FAT4: variants seen among roughly 807,000 people sequenced by gnomAD.
FAT4 encodes the protein FAT atypical cadherin 4.
Under a neutral mutation model 303.9 loss-of-function variants are expected in FAT4, and 84 were observed. The observed-to-expected ratio is 0.28, with a 90% CI of 0.23 to 0.33. FAT4 has a LOEUF of 0.33. Ranked by LOEUF, FAT4 falls within the 10% of genes least tolerant of loss-of-function variation. The pLI is 1.00. For missense variants in FAT4, 6,005 were observed against 6,146.8 expected, an observed-to-expected ratio of 0.98 and a Z score of 0.77; for synonymous variants, 2,307 against 2,298.8, an observed-to-expected ratio of 1.00 and a Z score of -0.10.
intron 7 of FAT4, among the ~76,000 whole-genome samples, chr4:125,422,574 C>T (rs1392308708): frequency 2.0e-5 from 3 of 152,186 alleles, no homozygotes; most frequent in Non-Finnish European, 4.4e-5. Context: ...GCTTCCCCCT[C>T]CGCTGTGATT....
chr4:125,477,998 T>A (rs1026799814), intron 14 of FAT4, among the ~76,000 whole-genome samples: 1 of 152,174 alleles, frequency 6.6e-6, no homozygotes, highest in Admixed American at 6.5e-5. Flanking sequence ...ATGTTTTGAC[T>A]GCTTAGTATC....
At chr4:125,438,685 T>C (rs74501747) in intron 8 of FAT4, among the ~76,000 whole-genome samples, 4,766 of 152,262 alleles carry the variant, frequency 0.031, 99 homozygotes, top group Non-Finnish European at 0.044. Flanking sequence ...AAATAGAAAA[T>C]ATTTTCACAG....
rs1727640929 is a variant in FAT4 at position 125,491,500 on chromosome 4, A to T, written c.14684A>T (p.Tyr4895Phe). 2 of 1,614,050 alleles carry T rather than the reference A, an allele frequency of 1.2e-6. No individual in the cohort carries two copies. The highest frequency in any genetic ancestry group is 1.7e-6 in the Non-Finnish European group (2 of 1,180,026). ...GGAGCCAGACTGAAGCCTCGAAGGT[A>T]CCACGGTCGCAGGGCCGAGGGAGGA... ...NYGARLKPRR[Y>F]HGRRAEGGPV... Residue 4895 changes from tyrosine to phenylalanine, a missense_variant, in exon 18 of 18, where the codon TAC becomes TTC. Physicochemically the swap from Tyr to Phe is conservative, Grantham distance 22. Transcript: ENST00000394329.
At chr4:125,356,549 G>GTTTTTTTTTTTTT (rs57855830) in intron 2 of FAT4, among the ~76,000 whole-genome samples, 4 of 131,440 alleles carry the variant, frequency 3.0e-5, no homozygotes, top group Non-Finnish European at 4.9e-5. Flanking sequence ...TTTGTTTTTT[G>GTTTTTTTTTTTTT]TTTTTTTTTT....
At chr4:125,458,521 C>T (rs554707164) in intron 10 of FAT4, among the ~76,000 whole-genome samples, 1 of 151,856 alleles carries the variant, frequency 6.6e-6, no homozygotes, top group Admixed American at 6.6e-5. Context: ...AGAAGAGTGG[C>T]TCATGTAAGA....
chr4:125,451,689 T>C lies in FAT4; in HGVS notation c.10679T>C (p.Phe3560Ser). ...LLSTGPATSY[F>S]SLSTAGVLST... ...AGCACAGGTCCTGCCACCAGTTATT[T>C]CAGTCTGAGCACTGCTGGAGTTCTG... Residue 3560 changes from phenylalanine to serine, a missense_variant, in exon 10 of 18, where the codon TTC becomes TCC. Transcript: ENST00000394329. The C allele has an allele frequency of 6.2e-7, 1 of 1,614,150 alleles. No homozygotes were observed. The highest frequency in any genetic ancestry group is 8.5e-7 in the Non-Finnish European group (1 of 1,180,022).
At position 125,452,498 on chromosome 4, in the gene FAT4, A is replaced by G. The variant is rs17009684; in HGVS notation, c.11488A>G (p.Lys3830Glu). The part of the protein sequence containing the change: ...LRRLAVSSVL[K>E]SRESLPVIIV... ...AAGATTGGCTGTGAGCTCCGTATTA[A>G]AAAGCCGTGAGAGTCTTCCAGTCAT... Residue 3830 changes from lysine to glutamate, a missense_variant, in exon 10 of 18, where the codon AAA becomes GAA. By Grantham distance (56) the Lys-to-Glu change is moderately conservative (BLOSUM62 1). Coordinates refer to ENST00000394329, the MANE Select transcript of FAT4 (RefSeq NM_001291303.3). 4.0e-3 allele frequency: 6,393 copies of G among 1,614,036 alleles called. 234 individuals are homozygous for G. The African/African-American group carries it at 0.077, about 19-fold the overall frequency.
At chr4:125,414,657 A>C (rs1036393890) in intron 5 of FAT4, among the ~76,000 whole-genome samples, 1 of 152,154 alleles carries the variant, frequency 6.6e-6, no homozygotes, top group Non-Finnish European at 1.5e-5. Flanking sequence ...ATATAGAAAA[A>C]TATCTGCTCT....
chr4:125,347,801 G>A (rs548564006), intron 2 of FAT4, among the ~76,000 whole-genome samples: 2 of 151,764 alleles, frequency 1.3e-5, no homozygotes, highest in African/African-American at 2.4e-5. Context: ...AGACTTTATA[G>A]TAGGACCTCT....
intron 12 of FAT4, among the ~76,000 whole-genome samples, chr4:125,473,793 T>C (rs1726940172): frequency 1.1e-4 from 1 of 9,494 alleles, no homozygotes. Flanking sequence ...AGGATGCAGT[T>C]TCATTTGTAT....
At chr4:125,336,202 A>G (rs990287153) in intron 2 of FAT4, among the ~76,000 whole-genome samples, 1 of 152,218 alleles carries the variant, frequency 6.6e-6, no homozygotes, top group East Asian at 1.9e-4. Context: ...TGTATCAGGT[A>G]GAAAAATAAT....
Position 125,318,068 on chromosome 4 carries a change from A to T in FAT4, c.1657A>T (p.Ser553Cys). Residue 553 changes from serine (S) to cysteine (C), a missense_variant, in exon 2 of 18, where the codon AGT becomes TGT. Transcript: ENST00000394329. Reference protein sequence around the residue: ...ELASQIVLNISARDQGVHPKV... With the variant: ...ELASQIVLNICARDQGVHPKV... ...TGCTTCCCAGATTGTTCTGAATATA[A>T]GTGCCCGGGACCAGGGAGTTCACCC... 3.1e-6 allele frequency: 5 copies of T among 1,614,134 alleles called. No individual in the cohort carries two copies. Among genetic ancestry groups the T allele is most frequent in the Non-Finnish European group, 4.2e-6 (5 of 1,180,020 alleles).
intron 2 of FAT4, among the ~76,000 whole-genome samples, chr4:125,372,731 A>T (rs987457067): frequency 6.6e-6 from 1 of 152,346 alleles, no homozygotes; most frequent in African/African-American, 2.4e-5. Flanking sequence ...ACACAATAGT[A>T]TTAAACTGAT....
chr4:125,361,381 AG>A (rs1469113187), intron 2 of FAT4, among the ~76,000 whole-genome samples: 2 of 152,280 alleles, frequency 1.3e-5, no homozygotes, highest in African/African-American at 4.8e-5. Context: ...AGGCACAGGG[AG>A]TGAGATGGCA....
chr4:125,373,951 G>A (rs979325494), intron 2 of FAT4, among the ~76,000 whole-genome samples: 5 of 152,176 alleles, frequency 3.3e-5, no homozygotes, highest in Non-Finnish European at 5.9e-5. Flanking sequence ...GATTTCAGAC[G>A]ATTTCCTATT....
chr4:125,415,902 C>T, intron 6 of FAT4, 96 bp downstream of exon 6: 2 of 906,492 alleles, frequency 2.2e-6, no homozygotes, highest in South Asian at 1.9e-5. Context: ...CCCCTGTTCT[C>T]TCCTCATTCT....
In FAT4 at chr4:125,318,296, C is replaced by T. The variant is rs918495520; in HGVS notation, c.1885C>T (p.Arg629Trp). ...CTCCTTACAAGAGGCAGAGACTGAC[C>T]GGAGGTCCTTCCGTCTGGATCCTGT... is the stretch of plus-strand genomic sequence containing the variant. ...RFSLQEAETD[R>W]RSFRLDPVSG... Residue 629 changes from arginine (R) to tryptophan (W), a missense_variant, in exon 2 of 18, where the codon CGG (arginine) becomes TGG (tryptophan). Transcript: ENST00000394329. The T allele has an allele frequency of 1.4e-5, 23 of 1,614,060 alleles. No homozygotes were observed. The highest frequency in any genetic ancestry group is 1.9e-5 in the Non-Finnish European group (22 of 1,180,060).
In FAT4 at chr4:125,446,562, A is replaced by T; in HGVS notation, c.7450+19A>T. ...CTTCCAGGTAATCAACCAAATTCTG[A>T]GGCCACATGGATATAAACAAACTAT... On this transcript the variant is annotated intron_variant, in intron 9 of 17. Transcript: ENST00000394329. 6.3e-7 allele frequency: 1 copy of T among 1,592,162 alleles called. No homozygotes were observed. The highest frequency in any genetic ancestry group is 8.6e-7 in the Non-Finnish European group (1 of 1,163,998).
intron 2 of FAT4, among the ~76,000 whole-genome samples, chr4:125,382,539 G>GCT (rs1733581046): frequency 1.3e-5 from 2 of 152,126 alleles, no homozygotes; most frequent in Non-Finnish European, 2.9e-5. Flanking sequence ...TGTCATCCAG[G>GCT]GTTTGTTGTT....
Sources: gnomAD v4.1 joint callset for allele counts (sites outside exome capture counted in the v4.1 genomes callset) on GRCh38, gnomAD v4.1.1 for gene constraint, MANE v1.5 for transcripts, NCBI Gene and HGNC (gene_info 2026-07-23, HGNC 2026-07-21) for gene names.